CSMD3: variants seen among roughly 807,000 people sequenced by gnomAD.
CSMD3 encodes the protein CUB and Sushi multiple domains 3, also known as CUB and sushi domain-containing protein 3.
CSMD3 carries 177 observed loss-of-function variants against 435.2 expected under a neutral mutation model. The observed-to-expected ratio is 0.41, with a 90% CI of 0.36 to 0.46. The LOEUF (loss-of-function observed/expected upper bound fraction) is 0.46, where lower values mean the gene tolerates loss of function less well. CSMD3 is among the 20% of genes least tolerant of loss of function. The pLI is 0.34. For missense variants in CSMD3, 4,265 were observed against 4,504.6 expected (o/e 0.95, Z 1.52); for synonymous variants, 1,656 against 1,520.5 (o/e 1.09, Z -2.07).
chr8:113,249,897 T>G (rs1484084548), intron 3 of CSMD3, among the ~76,000 whole-genome samples: 1 of 151,618 alleles, frequency 6.6e-6, no homozygotes, highest in African/African-American at 2.4e-5. Context: ...GATGACCAAC[T>G]GGGGAACAGT....
At chr8:113,153,340 T>C (rs1235682492) in intron 4 of CSMD3, among the ~76,000 whole-genome samples, 2 of 152,062 alleles carry the variant, frequency 1.3e-5, no homozygotes, top group Admixed American at 6.6e-5. Context: ...GAATCTCATC[T>C]ATTATGTGAG....
chr8:112,936,100 G>C (rs1449400927), intron 9 of CSMD3, among the ~76,000 whole-genome samples: 2 of 152,016 alleles, frequency 1.3e-5, no homozygotes, highest in Non-Finnish European at 2.9e-5. Context: ...AATATAGTCT[G>C]TTGTCACAGA....
intron 37 of CSMD3, among the ~76,000 whole-genome samples, chr8:112,381,994 T>C (rs1243409426): frequency 6.6e-6 from 1 of 152,128 alleles, no homozygotes; most frequent in Non-Finnish European, 1.5e-5. Context: ...ATGGGTATGG[T>C]GGCTCATGTA....
chr8:112,297,254 A>C (rs1820397999), intron 53 of CSMD3, among the ~76,000 whole-genome samples: 1 of 151,070 alleles, frequency 6.6e-6, no homozygotes, highest in African/African-American at 2.4e-5. Flanking sequence ...AGCCTCAAAA[A>C]AAAAAAAAAA....
chr8:113,179,637 A>G (rs1368768947), intron 3 of CSMD3, among the ~76,000 whole-genome samples: 1 of 151,844 alleles, frequency 6.6e-6, no homozygotes, highest in African/African-American at 2.4e-5. Flanking sequence ...CACAGTAGTT[A>G]CCAAAAGATA....
At chr8:112,492,106 A>T (rs117469020) in intron 31 of CSMD3, among the ~76,000 whole-genome samples, 8,624 of 152,214 alleles carry the variant, frequency 0.057, 352 homozygotes, top group Middle Eastern at 0.099. Flanking sequence ...TAAATTATTA[A>T]ATTTATCTAC....
At chr8:112,674,333 T>C (rs1417672574) in intron 16 of CSMD3, among the ~76,000 whole-genome samples, 1 of 152,134 alleles carries the variant, frequency 6.6e-6, no homozygotes, top group Non-Finnish European at 1.5e-5. Context: ...CTGGAAGTTA[T>C]TGCTTTCCTT....
intron 4 of CSMD3, among the ~76,000 whole-genome samples, chr8:113,112,468 CACACGT>C (rs1480721283): frequency 0.19 from 13,138 of 70,238 alleles, 1,159 homozygotes; most frequent in East Asian, 0.28. Flanking sequence ...CACACACACA[CACACGT>C]ACACACACAC....
chr8:113,026,322 T>A (rs1358751532), intron 5 of CSMD3, among the ~76,000 whole-genome samples: 3 of 152,168 alleles, frequency 2.0e-5, no homozygotes, highest in Admixed American at 2.0e-4. Flanking sequence ...CCATTCTGGG[T>A]TTCTGTGCTT....
intron 3 of CSMD3, among the ~76,000 whole-genome samples, chr8:113,257,300 A>G (rs987542640): frequency 5.9e-5 from 9 of 152,182 alleles, no homozygotes; most frequent in Admixed American, 4.6e-4. Context: ...AGTCCCAGCT[A>G]CATGGAAGGC....
intron 3 of CSMD3, among the ~76,000 whole-genome samples, chr8:113,180,431 G>A (rs914491792): frequency 5.3e-5 from 8 of 151,962 alleles, no homozygotes; most frequent in South Asian, 2.1e-4. Context: ...CATCTATAAC[G>A]TCCTCATGGT....
intron 3 of CSMD3, among the ~76,000 whole-genome samples, chr8:113,270,553 T>C: frequency 6.6e-6 from 1 of 152,114 alleles, no homozygotes; most frequent in Non-Finnish European, 1.5e-5. Context: ...CTATTCACAA[T>C]AGCAAAGACT....
At chr8:112,329,536 T>A (rs376488991) in intron 45 of CSMD3, among the ~76,000 whole-genome samples, 240 of 152,166 alleles carry the variant, frequency 1.6e-3, no homozygotes, top group African/African-American at 4.2e-3. Flanking sequence ...CTCAAAACCA[T>A]CTCATACAGT....
At chr8:112,421,593 T>A (rs1812510414) in intron 32 of CSMD3, among the ~76,000 whole-genome samples, 1 of 146,962 alleles carries the variant, frequency 6.8e-6, no homozygotes, top group Admixed American at 6.9e-5. Flanking sequence ...TAATATATAT[T>A]ACATATAATA....
Position 113,352,411 on chromosome 8 carries a change from C to A in CSMD3, c.179-37618G>T, listed in dbSNP as rs375055962. Among the ~76,000 whole-genome samples, 72 of 152,186 alleles carry A rather than the reference C, an allele frequency of 4.7e-4. 2 individuals carry two copies. In the South Asian group the frequency reaches 0.014, roughly 29 times the overall value. ...AGCAAGGCAGGATTCTCCCCGAGAA[C>A]CTTCAGAAGGAGCACGCCCTTGCTA... On this transcript the variant is annotated intron_variant, in intron 1 of 70. Coordinates refer to ENST00000297405, the MANE Select transcript of CSMD3 (RefSeq NM_198123.2).
intron 32 of CSMD3, among the ~76,000 whole-genome samples, chr8:112,449,547 C>T (rs1283457173): frequency 2.0e-5 from 3 of 152,184 alleles, no homozygotes; most frequent in Non-Finnish European, 4.4e-5. Context: ...ACAGAATCAC[C>T]TGACGCCTGT....
intron 19 of CSMD3, 88 bp from the exon 20 acceptor site, chr8:112,645,313 G>T: frequency 1.2e-6 from 1 of 804,914 alleles, no homozygotes; most frequent in Non-Finnish European, 2.2e-6. Flanking sequence ...GAATTGAGCA[G>T]TCGCATTATC....
intron 2 of CSMD3, among the ~76,000 whole-genome samples, chr8:113,307,642 T>C (rs1335010643): frequency 1.3e-5 from 2 of 152,182 alleles, no homozygotes; most frequent in Non-Finnish European, 2.9e-5. Context: ...AAATAAATGC[T>C]ATAAAGATTG....
At chr8:112,851,583 G>C (rs1284943445) in intron 11 of CSMD3, among the ~76,000 whole-genome samples, 1 of 152,092 alleles carries the variant, frequency 6.6e-6, no homozygotes, top group Admixed American at 6.5e-5. Flanking sequence ...GGCCAACATG[G>C]TGAATCCCCA....
Sources: allele counts gnomAD v4.1 joint callset (sites outside exome capture counted in the v4.1 genomes callset), GRCh38; gene constraint gnomAD v4.1.1; transcripts MANE v1.5; gene names NCBI Gene and HGNC (gene_info 2026-07-23, HGNC 2026-07-21).